Variants in RAB11FIP4 observed in about 807,000 individuals in gnomAD.
RAB11FIP4 encodes rab11 family-interacting protein 4.
RAB11FIP4 carries 23 observed loss-of-function variants against 74.3 expected under a neutral mutation model. The observed-to-expected ratio is 0.31, with a 90% CI of 0.22 to 0.44. The LOEUF is 0.44. Ranked by LOEUF, RAB11FIP4 falls within the 20% of genes least tolerant of loss-of-function variation. The probability of loss-of-function intolerance (pLI) is 1.00; values close to 1 mark genes in which losing one functional copy is unlikely to be tolerated. For missense variants in RAB11FIP4, 630 were observed against 863.9 expected, an observed-to-expected ratio of 0.73 and a Z score of 3.39; for synonymous variants, 360 against 359.9, an observed-to-expected ratio of 1.00 and a Z score of 0.00.
chr17:31,416,545 G>A (rs924829174), intron 1 of RAB11FIP4, among the ~76,000 whole-genome samples: 2 of 152,204 alleles, frequency 1.3e-5, no homozygotes, highest in African/African-American at 2.4e-5. Flanking sequence ...GCCGGCCTGG[G>A]GGTGGCGGCT....
intron 3 of RAB11FIP4, among the ~76,000 whole-genome samples, chr17:31,487,244 G>A (rs879610993): frequency 1.1e-4 from 16 of 152,138 alleles, no homozygotes; most frequent in Admixed American, 6.5e-4. Context: ...TAAAGTCCAG[G>A]GCATGGTTAA....
intron 1 of RAB11FIP4, among the ~76,000 whole-genome samples, chr17:31,425,716 C>G (rs1001043697): frequency 6.6e-6 from 1 of 152,188 alleles, no homozygotes; most frequent in Admixed American, 6.5e-5. Flanking sequence ...AAGCTGGGGC[C>G]CAGCTGTGTG....
chr17:31,513,658 T>C (rs1411221133), intron 3 of RAB11FIP4, among the ~76,000 whole-genome samples: 5 of 152,218 alleles, frequency 3.3e-5, no homozygotes, highest in African/African-American at 1.2e-4. Context: ...TATTTGAATT[T>C]AGGGGGCAAA....
chr17:31,530,053 G>A (rs886681466), intron 13 of RAB11FIP4, among the ~76,000 whole-genome samples: 1 of 152,238 alleles, frequency 6.6e-6, no homozygotes, highest in African/African-American at 2.4e-5. Flanking sequence ...GGAAGGGATG[G>A]CCAGGAGCCT....
At chr17:31,444,738 G>T (rs2071435743) in intron 3 of RAB11FIP4, among the ~76,000 whole-genome samples, 1 of 152,156 alleles carries the variant, frequency 6.6e-6, no homozygotes, top group Admixed American at 6.5e-5. Flanking sequence ...TCTTTTTAAA[G>T]CTGAGCAGGA....
intron 3 of RAB11FIP4, among the ~76,000 whole-genome samples, chr17:31,436,169 G>A (rs973034676): frequency 6.6e-6 from 1 of 152,132 alleles, no homozygotes; most frequent in Admixed American, 6.6e-5. Flanking sequence ...ACCTGAGCAC[G>A]TTCTTCTCAA....
At chr17:31,397,590 G>C (rs949354745) in intron 1 of RAB11FIP4, among the ~76,000 whole-genome samples, 1 of 152,196 alleles carries the variant, frequency 6.6e-6, no homozygotes, top group African/African-American at 2.4e-5. Context: ...GGGACCTGAG[G>C]TGGAAGCAGG....
chr17:31,501,268 G>A (rs2072215533), intron 3 of RAB11FIP4, among the ~76,000 whole-genome samples: 1 of 148,860 alleles, frequency 6.7e-6, no homozygotes, highest in African/African-American at 2.5e-5. Flanking sequence ...AGTTACAGAT[G>A]CTCCTTGATG....
At chr17:31,472,341 GC>G (rs887963776) in intron 3 of RAB11FIP4, among the ~76,000 whole-genome samples, 16 of 152,268 alleles carry the variant, frequency 1.1e-4, no homozygotes, top group African/African-American at 3.6e-4. Context: ...GGCTGGTTCT[GC>G]CCTGGGGGTC....
chr17:31,427,024 T>C (rs895425445), intron 1 of RAB11FIP4, among the ~76,000 whole-genome samples: 1 of 152,118 alleles, frequency 6.6e-6, no homozygotes, highest in African/African-American at 2.4e-5. Context: ...AGTGGCACAA[T>C]CTCGGCTCAC....
chr17:31,506,032 G>C (rs1392878241), intron 3 of RAB11FIP4, among the ~76,000 whole-genome samples: 2 of 152,004 alleles, frequency 1.3e-5, no homozygotes, highest in African/African-American at 4.8e-5. Flanking sequence ...TGAATTAACA[G>C]CTCCCACTTC....
chr17:31,464,148 G>A (rs1213010448), intron 3 of RAB11FIP4, among the ~76,000 whole-genome samples: 1 of 151,880 alleles, frequency 6.6e-6, no homozygotes, highest in African/African-American at 2.4e-5. Context: ...TGCCAGACCC[G>A]CAGGTTCAAG....
chr17:31,472,696 G>A (rs535926299), intron 3 of RAB11FIP4, among the ~76,000 whole-genome samples: 3 of 152,176 alleles, frequency 2.0e-5, no homozygotes, highest in African/African-American at 7.2e-5. Flanking sequence ...TCTCTAGGAA[G>A]AGGGCCTCAT....
At chr17:31,424,576 AT>A (rs71142050) in intron 1 of RAB11FIP4, among the ~76,000 whole-genome samples, 64,298 of 124,234 alleles carry the variant, frequency 0.52, 17,335 homozygotes, top group Non-Finnish European at 0.65. Flanking sequence ...CACCCAGCTA[AT>A]TTTTTTTTTT....
chr17:31,408,091 C>G (rs1174917108), intron 1 of RAB11FIP4, among the ~76,000 whole-genome samples: 4 of 152,068 alleles, frequency 2.6e-5, no homozygotes, highest in Non-Finnish European at 5.9e-5. Flanking sequence ...CCTGTCATAC[C>G]TTGTTACCTT....
chr17:31,458,042 A>G (rs2071596239), intron 3 of RAB11FIP4, among the ~76,000 whole-genome samples: 1 of 152,192 alleles, frequency 6.6e-6, no homozygotes, highest in Non-Finnish European at 1.5e-5. Context: ...CCCCCAGCAG[A>G]CCAACCCTGC....
intron 3 of RAB11FIP4, among the ~76,000 whole-genome samples, chr17:31,445,566 A>G (rs1312811510): frequency 8.1e-5 from 1 of 12,418 alleles, no homozygotes; most frequent in African/African-American, 2.6e-4. Flanking sequence ...ATATATATAT[A>G]TATATATATA....
intron 1 of RAB11FIP4, among the ~76,000 whole-genome samples, chr17:31,415,687 C>A (rs914737623): frequency 2.0e-4 from 30 of 152,140 alleles, no homozygotes; most frequent in South Asian, 2.1e-4. Context: ...AGGAGCTCAG[C>A]GAGACCACTC....
intron 1 of RAB11FIP4, among the ~76,000 whole-genome samples, chr17:31,419,522 T>C (rs2071178909): frequency 6.6e-6 from 1 of 151,720 alleles, no homozygotes; most frequent in African/African-American, 2.4e-5. Flanking sequence ...TCTGTGTTCA[T>C]GAGGGATATT....
Sources: allele counts gnomAD v4.1 joint callset (sites outside exome capture counted in the v4.1 genomes callset), GRCh38; gene constraint gnomAD v4.1.1; transcripts MANE v1.5; gene names NCBI Gene and HGNC (gene_info 2026-07-23, HGNC 2026-07-21).